KCNIP4: variants seen among roughly 807,000 people sequenced by gnomAD.
KCNIP4 encodes potassium voltage-gated channel interacting protein 4, also known as Kv channel-interacting protein 4.
KCNIP4 carries 12 observed loss-of-function variants against 34.0 expected under a neutral mutation model. The ratio of observed to expected loss-of-function variants is 0.35; its 90% CI spans 0.23 to 0.57. The LOEUF (loss-of-function observed/expected upper bound fraction) is 0.57. Among genes scored for constraint, KCNIP4 ranks in the 20% least tolerant of loss-of-function variants. The probability of loss-of-function intolerance (pLI) is 0.83; values close to 1 mark genes in which losing one functional copy is unlikely to be tolerated. For synonymous variants in KCNIP4, 124 were observed against 102.2 expected (o/e 1.21, Z -1.29); for missense variants, 238 against 311.7 (o/e 0.76, Z 1.78).
intron 1 of KCNIP4, among the ~76,000 whole-genome samples, chr4:21,390,763 T>C (rs1722490773): frequency 6.6e-6 from 1 of 152,206 alleles, no homozygotes; most frequent in Admixed American, 6.5e-5. Context: ...TTCTTTTGGC[T>C]TAGGATTGTC....
chr4:21,786,001 T>G (rs1229750165), intron 1 of KCNIP4, among the ~76,000 whole-genome samples: 1 of 152,164 alleles, frequency 6.6e-6, no homozygotes, highest in Non-Finnish European at 1.5e-5. Context: ...CTGGAATGAG[T>G]GCAGTGGCAC....
At chr4:21,018,183 CAACTCTCTA>C (rs1286178673) in intron 1 of KCNIP4, among the ~76,000 whole-genome samples, 1 of 152,126 alleles carries the variant, frequency 6.6e-6, no homozygotes, top group Non-Finnish European at 1.5e-5. Flanking sequence ...TCTCTAAAAG[CAACTCTCTA>C]AACTCTCTCT....
intron 1 of KCNIP4, among the ~76,000 whole-genome samples, chr4:20,909,276 A>G (rs1728100575): frequency 6.6e-6 from 1 of 152,098 alleles, no homozygotes; most frequent in Non-Finnish European, 1.5e-5. Context: ...ACTGTTTTCC[A>G]TAGAGTGTTA....
intron 1 of KCNIP4, among the ~76,000 whole-genome samples, chr4:21,113,330 C>T (rs560568384): frequency 3.3e-5 from 5 of 151,998 alleles, no homozygotes; most frequent in Admixed American, 2.6e-4. Flanking sequence ...CAGGGAAAAT[C>T]ATTTTCTTGT....
intron 1 of KCNIP4, among the ~76,000 whole-genome samples, chr4:21,825,170 A>G (rs1432721462): frequency 1.3e-5 from 2 of 152,178 alleles, no homozygotes; most frequent in East Asian, 3.9e-4. Flanking sequence ...AGATGAATTC[A>G]AGAAGTTTAA....
intron 1 of KCNIP4, among the ~76,000 whole-genome samples, chr4:21,592,242 GGAGAA>G (rs1488779328): frequency 6.6e-6 from 1 of 152,026 alleles, no homozygotes; most frequent in Non-Finnish European, 1.5e-5. Flanking sequence ...GGCTATTGTT[GGAGAA>G]GAGAAGAGTA....
chr4:21,831,106 T>G (rs1000814987), intron 1 of KCNIP4, among the ~76,000 whole-genome samples: 1 of 152,086 alleles, frequency 6.6e-6, no homozygotes, highest in Non-Finnish European at 1.5e-5. Flanking sequence ...ATCTTGAGAC[T>G]TACAAAAAAT....
intron 1 of KCNIP4, among the ~76,000 whole-genome samples, chr4:21,489,632 GCATCAATAATA>G (rs1732207382): frequency 6.6e-6 from 1 of 152,056 alleles, no homozygotes; most frequent in Admixed American, 6.6e-5. Flanking sequence ...TCTGCCTGAT[GCATCAATAATA>G]CATTTAATTG....
At chr4:21,036,051 A>G (rs1156880327) in intron 1 of KCNIP4, among the ~76,000 whole-genome samples, 2 of 152,170 alleles carry the variant, frequency 1.3e-5, no homozygotes, top group East Asian at 3.9e-4. Context: ...GCCTGAAATT[A>G]TATCCTTGCT....
chr4:20,811,653 T>A (rs4697185), intron 3 of KCNIP4, among the ~76,000 whole-genome samples: 74,594 of 152,058 alleles, frequency 0.49, 18,520 homozygotes, highest in Admixed American at 0.57. Flanking sequence ...AACGTGATCA[T>A]ATCTGTACTT....
At chr4:20,978,811 T>C (rs1294308877) in intron 1 of KCNIP4, among the ~76,000 whole-genome samples, 1 of 152,188 alleles carries the variant, frequency 6.6e-6, no homozygotes, top group African/African-American at 2.4e-5. Flanking sequence ...TTTCTTCTTA[T>C]GCAACTGAGA....
At chr4:21,749,895 T>C (rs1388965319) in intron 1 of KCNIP4, among the ~76,000 whole-genome samples, 1 of 152,174 alleles carries the variant, frequency 6.6e-6, no homozygotes, top group Non-Finnish European at 1.5e-5. Flanking sequence ...AGAGTCTAAG[T>C]TACTTAATTC....
intron 1 of KCNIP4, among the ~76,000 whole-genome samples, chr4:21,751,394 G>A (rs943351066): frequency 6.6e-6 from 1 of 151,968 alleles, no homozygotes; most frequent in Non-Finnish European, 1.5e-5. Flanking sequence ...GTTATGACAT[G>A]GTGTTTATGT....
chr4:21,868,263 A>G (rs1725549856), intron 1 of KCNIP4, among the ~76,000 whole-genome samples: 1 of 152,250 alleles, frequency 6.6e-6, no homozygotes, highest in Admixed American at 6.5e-5. Flanking sequence ...AAATGGGATT[A>G]TCAAAAACTG....
chr4:21,761,535 C>T (rs1016410384), intron 1 of KCNIP4, among the ~76,000 whole-genome samples: 52 of 151,704 alleles, frequency 3.4e-4, no homozygotes, highest in Admixed American at 1.8e-3. Flanking sequence ...TTACAACCAT[C>T]TTATAACTAA....
At chr4:21,233,277 G>A (rs1246129691) in intron 1 of KCNIP4, among the ~76,000 whole-genome samples, 3 of 152,138 alleles carry the variant, frequency 2.0e-5, no homozygotes, top group Non-Finnish European at 2.9e-5. Flanking sequence ...AAGCCAGAAT[G>A]TAGTGGGTGG....
At chr4:21,827,518 G>T (rs2109300551) in intron 1 of KCNIP4, among the ~76,000 whole-genome samples, 1 of 152,090 alleles carries the variant, frequency 6.6e-6, no homozygotes, top group South Asian at 2.1e-4. Flanking sequence ...CAAAGTGAAA[G>T]CAGAAACTAA....
At chr4:20,760,024 G>A (rs1754818081) in intron 3 of KCNIP4, among the ~76,000 whole-genome samples, 1 of 152,176 alleles carries the variant, frequency 6.6e-6, no homozygotes, top group Non-Finnish European at 1.5e-5. Flanking sequence ...TTTGGCAGTG[G>A]ATGCTGAAGC....
rs1719993627 is a variant in KCNIP4, at chr4:21,368,264, T to C, written c.62-485555A>G. ...CACACACACACACACACACAATAAATATGACGTTAGTTTGACAATACTGAC... is the reference window on the plus strand; with the variant it reads ...CACACACACACACACACACAATAAACATGACGTTAGTTTGACAATACTGAC... On this transcript the variant is annotated intron_variant, in intron 1 of 8. Coordinates refer to ENST00000382152, the MANE Select transcript of KCNIP4 (RefSeq NM_025221.6). Among the ~76,000 whole-genome samples the C allele has an allele frequency of 1.4e-5, 2 of 146,590 alleles. 1 individual carries two copies. The highest frequency in any genetic ancestry group is 5.5e-5 in the African/African-American group (2 of 36,506).
Sources: allele counts gnomAD v4.1 joint callset (sites outside exome capture counted in the v4.1 genomes callset), GRCh38; gene constraint gnomAD v4.1.1; transcripts MANE v1.5; gene names NCBI Gene and HGNC (gene_info 2026-07-23, HGNC 2026-07-21).